ASTN2: variants seen among roughly 807,000 people sequenced by gnomAD.
ASTN2 encodes astrotactin-2.
ASTN2 carries 54 observed loss-of-function variants against 139.8 expected under a neutral mutation model. That is an observed-to-expected ratio of 0.39 (90% CI 0.31 to 0.48). The LOEUF (loss-of-function observed/expected upper bound fraction) is 0.48, where lower values mean the gene tolerates loss of function less well. Ranked by LOEUF, ASTN2 falls within the 20% of genes least tolerant of loss-of-function variation. The probability of loss-of-function intolerance (pLI) is 0.95; values close to 1 mark genes in which losing one functional copy is unlikely to be tolerated. For synonymous variants in ASTN2, 756 were observed against 719.5 expected, an observed-to-expected ratio of 1.05 and a Z score of -0.81; for missense variants, 1,565 against 1,725.1, an observed-to-expected ratio of 0.91 and a Z score of 1.64.
At chr9:116,785,267 A>AG (rs1830339829) in intron 13 of ASTN2, among the ~76,000 whole-genome samples, 1 of 152,104 alleles carries the variant, frequency 6.6e-6, no homozygotes, top group Non-Finnish European at 1.5e-5. Context: ...CTCAGGGCTC[A>AG]GGCTCCTCTC....
intron 10 of ASTN2, among the ~76,000 whole-genome samples, chr9:116,966,705 T>TA (rs199969584): frequency 0.083 from 11,801 of 142,526 alleles, 927 homozygotes; most frequent in African/African-American, 0.21. Flanking sequence ...TCATTTTCTT[T>TA]AAAAAAAAAA....
At chr9:116,855,375 T>G (rs1832713860) in intron 11 of ASTN2, among the ~76,000 whole-genome samples, 1 of 145,080 alleles carries the variant, frequency 6.9e-6, no homozygotes, top group Admixed American at 6.9e-5. Flanking sequence ...GAGTCCTGTG[T>G]GCAGGCATTG....
chr9:117,329,483 G>C (rs187612656), intron 1 of ASTN2, among the ~76,000 whole-genome samples: 6 of 152,244 alleles, frequency 3.9e-5, no homozygotes, highest in Admixed American at 2.6e-4. Flanking sequence ...CTCCCTTGAA[G>C]GTAGAGACTA....
chr9:117,214,121 C>T lies in ASTN2; in HGVS notation c.1015+237G>A, dbSNP rs539212112. On this transcript the variant is annotated intron_variant, in intron 3 of 22. Transcript: ENST00000313400. ...ACTGGAAAGATGTTGGACTGCATAG[C>T]CTCTGAGGCTCCTCACAACTCCAAT... 2.9e-4 allele frequency among the ~76,000 whole-genome samples: 44 copies of T among 152,266 alleles called. 1 individual carries two copies. In the South Asian group the frequency reaches 3.9e-3, roughly 14 times the overall value.
intron 19 of ASTN2, among the ~76,000 whole-genome samples, chr9:116,500,798 C>CA (rs1330579451): frequency 6.6e-6 from 1 of 152,218 alleles, no homozygotes; most frequent in Non-Finnish European, 1.5e-5. Context: ...GCACCTAGCA[C>CA]ATTGCCTTGC....
intron 4 of ASTN2, among the ~76,000 whole-genome samples, chr9:117,132,401 A>C (rs1444622495): frequency 4.1e-5 from 6 of 146,860 alleles, no homozygotes; most frequent in African/African-American, 1.3e-4. Context: ...CAATGCTAAC[A>C]TAGCATTATT....
chr9:116,766,197 C>A (rs1354275671), intron 13 of ASTN2, among the ~76,000 whole-genome samples: 2 of 151,962 alleles, frequency 1.3e-5, no homozygotes, highest in East Asian at 1.9e-4. Flanking sequence ...ACGACAACCC[C>A]CACTGGGCCA....
intron 12 of ASTN2, among the ~76,000 whole-genome samples, chr9:116,813,795 G>A (rs1831229991): frequency 6.6e-6 from 1 of 152,100 alleles, no homozygotes; most frequent in Non-Finnish European, 1.5e-5. Context: ...AGCACTTTGG[G>A]GGGCTGAGAC....
chr9:116,583,551 A>G (rs867053917), intron 19 of ASTN2: 8 of 151,898 alleles, frequency 5.3e-5, no homozygotes, highest in African/African-American at 1.9e-4. Flanking sequence ...ATTCAAAATG[A>G]GACTGTGGCA....
intron 19 of ASTN2, among the ~76,000 whole-genome samples, chr9:116,533,407 A>G (rs1446926459): frequency 6.6e-6 from 1 of 152,106 alleles, no homozygotes; most frequent in East Asian, 1.9e-4. Flanking sequence ...GTTGAATAGG[A>G]GTGGTGAGAG....
chr9:116,942,646 G>A (rs1194123174), intron 10 of ASTN2, among the ~76,000 whole-genome samples: 1 of 152,212 alleles, frequency 6.6e-6, no homozygotes, highest in Admixed American at 6.5e-5. Context: ...AACCTGAAAG[G>A]AACGGATCGT....
At chr9:116,604,045 T>A (rs962023567) in intron 19 of ASTN2, among the ~76,000 whole-genome samples, 2 of 152,088 alleles carry the variant, frequency 1.3e-5, no homozygotes, top group African/African-American at 4.8e-5. Flanking sequence ...AGCATCTGAG[T>A]TACCTCAGCA....
At chr9:117,049,244 A>G (rs1448370422) in intron 5 of ASTN2, among the ~76,000 whole-genome samples, 1 of 151,932 alleles carries the variant, frequency 6.6e-6, no homozygotes. Flanking sequence ...TTCCCACAAA[A>G]CCAGATGTAT....
At chr9:117,055,723 G>A (rs1165219811) in intron 5 of ASTN2, among the ~76,000 whole-genome samples, 1 of 152,228 alleles carries the variant, frequency 6.6e-6, no homozygotes, top group Non-Finnish European at 1.5e-5. Flanking sequence ...CACCTGAAAT[G>A]AAAGAAGGAT....
rs978725824 is a variant in ASTN2 at position 116,846,562 on chromosome 9, T to TCACA, written c.2040+17017_2040+17020dup. The stretch of plus-strand genomic sequence containing the variant: ...CATGCTACTGCGTGGCTGGGTTTGC[T>TCACA]CACACACACTGATCACAGCTAATTA... On this transcript the variant is annotated intron_variant, in intron 11 of 22. Transcript: ENST00000313400. Among the ~76,000 whole-genome samples the TCACA allele has an allele frequency of 2.5e-4, 38 of 152,264 alleles. 2 individuals are homozygous for TCACA. Among genetic ancestry groups the TCACA allele is most frequent in the African/African-American group, 9.1e-4 (38 of 41,544 alleles).
intron 1 of ASTN2, among the ~76,000 whole-genome samples, chr9:117,397,020 C>T (rs2130955016): frequency 6.7e-6 from 1 of 148,440 alleles, no homozygotes; most frequent in South Asian, 2.1e-4. Flanking sequence ...AAGCTCACTG[C>T]AACCTCTGCA....
At chr9:117,388,648 G>A (rs1564179545) in intron 1 of ASTN2, among the ~76,000 whole-genome samples, 1 of 152,156 alleles carries the variant, frequency 6.6e-6, no homozygotes, top group African/African-American at 2.4e-5. Context: ...CTTGGTTAGG[G>A]TGCTCACAGA....
intron 16 of ASTN2, among the ~76,000 whole-genome samples, chr9:116,717,695 A>G (rs1828352096): frequency 6.6e-6 from 1 of 152,204 alleles, no homozygotes. Context: ...TCAAGCAGCT[A>G]GGAATCAGAA....
intron 17 of ASTN2, among the ~76,000 whole-genome samples, chr9:116,629,737 A>G (rs1321451406): frequency 3.3e-5 from 5 of 152,222 alleles, no homozygotes; most frequent in African/African-American, 9.6e-5. Context: ...TCTCCTCTGA[A>G]TGATGAGAGC....
Sources: gnomAD v4.1 joint callset for allele counts (sites outside exome capture counted in the v4.1 genomes callset) on GRCh38, gnomAD v4.1.1 for gene constraint, MANE v1.5 for transcripts, NCBI Gene and HGNC (gene_info 2026-07-23, HGNC 2026-07-21) for gene names.